Variants in RHBDD1 observed in about 807,000 individuals in gnomAD.
RHBDD1 encodes rhomboid-related protein 4.
RHBDD1 carries 38 observed loss-of-function variants against 36.3 expected under a neutral mutation model. The ratio of observed to expected loss-of-function variants is 1.05; its 90% confidence interval spans 0.81 to 1.37. The LOEUF (loss-of-function observed/expected upper bound fraction) is 1.37. Ranked by LOEUF, RHBDD1 falls within the 40% of genes most tolerant of loss-of-function variation. The pLI, the probability that RHBDD1 is intolerant of heterozygous loss-of-function variation, is 0.00. For synonymous variants in RHBDD1, 151 were observed against 136.5 expected, an observed-to-expected ratio of 1.11 and a Z score of -0.74; for missense variants, 393 against 377.6, an observed-to-expected ratio of 1.04 and a Z score of -0.34.
intron 5 of RHBDD1, among the ~76,000 whole-genome samples, chr2:226,872,139 T>G (rs1944843541): frequency 6.6e-6 from 1 of 152,184 alleles, no homozygotes; most frequent in African/African-American, 2.4e-5. Context: ...TGAATGTTTG[T>G]CAAAGGCTGG....
intron 8 of RHBDD1, among the ~76,000 whole-genome samples, chr2:226,970,706 T>G (rs1354040061): frequency 6.6e-6 from 1 of 152,246 alleles, no homozygotes; most frequent in Non-Finnish European, 1.5e-5. Context: ...TTTTCCAATG[T>G]ACTTTTTTTA....
intron 8 of RHBDD1, among the ~76,000 whole-genome samples, chr2:226,941,262 G>A (rs1950645908): frequency 1.3e-5 from 2 of 152,228 alleles, no homozygotes; most frequent in East Asian, 1.9e-4. Context: ...CACCCCGACC[G>A]GCCTGGACTC....
chr2:226,941,397 A>G (rs1163833288), intron 8 of RHBDD1, among the ~76,000 whole-genome samples: 2 of 152,226 alleles, frequency 1.3e-5, no homozygotes, highest in Non-Finnish European at 2.9e-5. Context: ...GGCAGGGGCA[A>G]GTCCACCTGG....
intron 5 of RHBDD1, among the ~76,000 whole-genome samples, chr2:226,891,344 A>G (rs1042201193): frequency 3.3e-5 from 5 of 152,220 alleles, no homozygotes; most frequent in Non-Finnish European, 7.3e-5. Flanking sequence ...TCCCTAAGGC[A>G]GCTCACAATG....
At position 226,995,465 on chromosome 2, in the gene RHBDD1, T is replaced by C. The variant is rs1457682240; in HGVS notation, c.891T>C (p.Phe297=). The C allele has an allele frequency of 6.2e-7, 1 of 1,613,334 alleles. No individual in the cohort carries two copies. Among genetic ancestry groups the C allele is most frequent in the Non-Finnish European group, 8.5e-7 (1 of 1,179,656 alleles). ...GAAATAGCCCACCACCCTACGGGTT[T>C]CATCTCTCACCAGAAGAAATGAGGA... ...NTRNSPPPYG[F]HLSPEEMRRQ... The change falls in exon 9 of 9, where the codon TTT becomes TTC. Residue 297 remains phenylalanine, a synonymous_variant. Coordinates refer to ENST00000392062, the MANE Select transcript of RHBDD1 (RefSeq NM_001167608.3).
At chr2:226,813,895 T>C in the RHBDD1 span, among the ~76,000 whole-genome samples, 11,066 of 152,274 alleles carry the variant, frequency 0.073, 464 homozygotes, top group Middle Eastern at 0.13. Flanking sequence ...ACAAAATCGT[T>C]ACAGAAATTT....
intron 8 of RHBDD1, among the ~76,000 whole-genome samples, chr2:226,969,394 CTTTT>C (rs77924848): frequency 1.7e-5 from 2 of 115,520 alleles, no homozygotes; most frequent in African/African-American, 6.5e-5. Flanking sequence ...ACAGCTCAGC[CTTTT>C]TTTTTTTTTT....
intron 8 of RHBDD1, among the ~76,000 whole-genome samples, chr2:226,963,665 C>T (rs1254467014): frequency 6.6e-6 from 1 of 152,254 alleles, no homozygotes; most frequent in Admixed American, 6.5e-5. Flanking sequence ...CTTCCATTTA[C>T]CTGGAAAAAT....
chr2:226,951,344 A>G (rs1951415901), intron 8 of RHBDD1, among the ~76,000 whole-genome samples: 2 of 152,200 alleles, frequency 1.3e-5, no homozygotes, highest in Non-Finnish European at 2.9e-5. Flanking sequence ...ACTATTATTA[A>G]TATTAGTATT....
At chr2:226,845,793 G>T (rs1253285584) in intron 3 of RHBDD1, among the ~76,000 whole-genome samples, 1 of 152,154 alleles carries the variant, frequency 6.6e-6, no homozygotes. Flanking sequence ...TTGCTTTCTA[G>T]GTGAAAAATA....
chr2:226,840,476 A>G (rs2124954457), intron 3 of RHBDD1, among the ~76,000 whole-genome samples: 1 of 152,200 alleles, frequency 6.6e-6, no homozygotes, highest in African/African-American at 2.4e-5. Flanking sequence ...AGAGTGAAAA[A>G]CCTTGGTGAT....
At chr2:226,854,526 G>A (rs1455102955) in intron 3 of RHBDD1, among the ~76,000 whole-genome samples, 1 of 151,410 alleles carries the variant, frequency 6.6e-6, no homozygotes, top group Admixed American at 6.6e-5. Flanking sequence ...CCTGGGAGGC[G>A]GAGGTTGCAG....
chr2:226,932,738 C>T (rs1331594548), intron 8 of RHBDD1, among the ~76,000 whole-genome samples: 4 of 152,018 alleles, frequency 2.6e-5, no homozygotes, highest in African/African-American at 4.8e-5. Flanking sequence ...AGTTACTGTG[C>T]CCCTGGGTTT....
At chr2:226,878,777 A>G (rs948742782) in intron 5 of RHBDD1, among the ~76,000 whole-genome samples, 3 of 152,232 alleles carry the variant, frequency 2.0e-5, no homozygotes, top group Non-Finnish European at 4.4e-5. Flanking sequence ...CTTTGGTCCC[A>G]CTAGATTTGG....
At chr2:226,954,275 T>C (rs748785285) in intron 8 of RHBDD1, among the ~76,000 whole-genome samples, 1 of 152,196 alleles carries the variant, frequency 6.6e-6, no homozygotes, top group African/African-American at 2.4e-5. Flanking sequence ...GTGAGGGTGA[T>C]TGATTTTTTT....
At chr2:226,824,289 G>T in the RHBDD1 span, among the ~76,000 whole-genome samples, 1 of 151,996 alleles carries the variant, frequency 6.6e-6, no homozygotes, top group African/African-American at 2.4e-5. Flanking sequence ...TTATTTCTAA[G>T]TAAATTTGAA....
At chr2:226,930,774 T>G (rs1949983653) in intron 8 of RHBDD1, among the ~76,000 whole-genome samples, 1 of 151,646 alleles carries the variant, frequency 6.6e-6, no homozygotes, top group Non-Finnish European at 1.5e-5. Context: ...CTACAATGAA[T>G]TCGAACAAAT....
At chr2:226,954,103 G>A (rs1451640164) in intron 8 of RHBDD1, among the ~76,000 whole-genome samples, 1 of 152,210 alleles carries the variant, frequency 6.6e-6, no homozygotes, top group Non-Finnish European at 1.5e-5. Flanking sequence ...TTCCGGTGCT[G>A]TGCTGAGAGG....
chr2:226,954,209 T>C (rs1190649065), intron 8 of RHBDD1, among the ~76,000 whole-genome samples: 1 of 152,148 alleles, frequency 6.6e-6, no homozygotes, highest in Non-Finnish European at 1.5e-5. Flanking sequence ...GATACATAGA[T>C]GAGTTTTTAT....
Sources: allele counts gnomAD v4.1 joint callset (sites outside exome capture counted in the v4.1 genomes callset), GRCh38; gene constraint gnomAD v4.1.1; transcripts MANE v1.5; gene names NCBI Gene and HGNC (gene_info 2026-07-23, HGNC 2026-07-21).